CSKMT: variants seen among roughly 807,000 people sequenced by gnomAD.
CSKMT encodes citrate synthase lysine methyltransferase.
CSKMT carries 6 observed loss-of-function variants against 4.6 expected under a neutral mutation model. The ratio of observed to expected loss-of-function variants is 1.31; its 90% CI spans 0.72 to 2.59. CSKMT has a LOEUF of 2.59. Ranked by LOEUF, CSKMT falls within the 30% of genes most tolerant of loss-of-function variation. CSKMT has a pLI of 0.00. For synonymous variants in CSKMT, 142 were observed against 128.9 expected, an observed-to-expected ratio of 1.10 and a Z score of -0.69; for missense variants, 328 against 298.0, an observed-to-expected ratio of 1.10 and a Z score of -0.74.
rs578174201 is a variant in CSKMT at position 62,667,210 on chromosome 11, T to C, written c.*159T>C. Reference sequence around the variant, plus strand: ...TGCTGAATGTTTCTGTTCCCCAGTTTACTCATCTGCAGAGTGAGAATAACT... The same window carrying C: ...TGCTGAATGTTTCTGTTCCCCAGTTCACTCATCTGCAGAGTGAGAATAACT... On this transcript the variant is annotated 3_prime_UTR_variant, in exon 3 of 3. Transcript: ENST00000532971. The C allele has an allele frequency of 2.0e-4, 144 of 736,980 alleles. No individual in the cohort carries two copies. The highest frequency in any genetic ancestry group is 5.5e-4 in the Admixed American group (19 of 34,646). The allele number at this position is 736,980 out of a possible 1,614,324, so 45.7% of individuals were successfully genotyped here.
intron 2 of CSKMT, 132 bp from the exon 3 acceptor site, chr11:62,666,264 T>C (rs1373167408): frequency 1.1e-6 from 1 of 918,194 alleles, no homozygotes; most frequent in South Asian, 1.4e-5. Context: ...GAGCCATCAT[T>C]GTGCTACTGT....
At position 62,665,736 on chromosome 11, in the gene CSKMT, G is replaced by C. The variant is rs1240873776; in HGVS notation, c.-144G>C. On this transcript the variant is annotated 5_prime_UTR_variant, in exon 2 of 3. Transcript: ENST00000532971. ...AGTCTGTGTCCGCGTTCTTTTTTCC[G>C]GGACTGCAGAGTTCGGGGAAGCTGT... 1.1e-5 allele frequency: 16 copies of C among 1,466,818 alleles called. No individual in the cohort carries two copies. The highest frequency in any genetic ancestry group is 4.9e-5 in the East Asian group (2 of 40,680). The allele number at this position is 1,466,818 out of a possible 1,614,324, so 90.9% of individuals were successfully genotyped here.
At chr11:62,666,102 C>T (rs1565126853) in intron 2 of CSKMT, 156 bp downstream of exon 2, 2 of 915,736 alleles carry the variant, frequency 2.2e-6, no homozygotes, top group African/African-American at 3.3e-5. Context: ...AATGCTAACA[C>T]TTTGCCAGGC....
Position 62,665,692 on chromosome 11 carries a change from T to TAA in CSKMT, c.-186_-185dup. On this transcript the variant is annotated 5_prime_UTR_variant, in exon 2 of 3. Coordinates refer to ENST00000532971, the MANE Select transcript of CSKMT (RefSeq NM_001043229.2). Reference sequence around the variant, plus strand: ...CTCCTCCACTTCCCGCTGCAGCCAATAAAGGCCGTTCCTACCATAGTCTGT... The same window carrying TAA: ...CTCCTCCACTTCCCGCTGCAGCCAATAAAAAGGCCGTTCCTACCATAGTCTGT... 6.9e-7 allele frequency: 1 copy of TAA among 1,459,020 alleles called. No individual in the cohort carries two copies. Among genetic ancestry groups the TAA allele is most frequent in the Admixed American group, 2.5e-5 (1 of 40,786 alleles). The allele number at this position is 1,459,020 out of a possible 1,614,324, so 90.4% of individuals were successfully genotyped here.
In CSKMT at chr11:62,666,427, C is replaced by G. The variant is rs2134627907; in HGVS notation, c.99C>G (p.Arg33=). 3 of 1,612,236 alleles carry G rather than the reference C, an allele frequency of 1.9e-6. No individual in the cohort carries two copies. Among genetic ancestry groups the G allele is most frequent in the East Asian group, 2.2e-5 (1 of 44,886 alleles). Residue 33 remains arginine, a synonymous_variant, in exon 3 of 3, where the codon CGC becomes CGG. Transcript: ENST00000532971. ...GSLADSCLAD[R]CLWDRLHAQP... is the part of the protein sequence containing the mutation. ...TGGCTGATAGTTGCCTGGCGGACCG[C>G]TGTCTCTGGGATCGGCTGCATGCCC...
chr11:62,667,194 T>C lies in CSKMT; in HGVS notation c.*143T>C. On this transcript the variant is annotated 3_prime_UTR_variant, in exon 3 of 3. Coordinates refer to ENST00000532971, the MANE Select transcript of CSKMT (RefSeq NM_001043229.2). ...TAGCTGGGTGCCATATTGCTGAATG[T>C]TTCTGTTCCCCAGTTTACTCATCTG... The C allele has an allele frequency of 1.2e-6, 1 of 847,162 alleles. No homozygotes were observed. The highest frequency in any genetic ancestry group is 1.8e-6 in the Non-Finnish European group (1 of 548,942). The allele number at this position is 847,162 out of a possible 1,614,324, so 52.5% of individuals were successfully genotyped here. A position where few individuals can be genotyped will look rare whatever the true frequency, so the allele number is the denominator to read the frequency against.
intron 1 of CSKMT, 153 bp from the exon 2 acceptor site, chr11:62,665,494 C>G (rs780214243): frequency 1.3e-6 from 2 of 1,574,744 alleles, no homozygotes; most frequent in East Asian, 4.6e-5. Context: ...GGAAAGGGCT[C>G]TGGCCCCCTC....
Position 62,667,823 on chromosome 11 carries a change from G to T in CSKMT, c.*772G>T. ...TTACAAAACTAGGCCAGGCATGCTG[G>T]CTCATACCTATAATCACAGCACTTT... On this transcript the variant is annotated 3_prime_UTR_variant, in exon 3 of 3. Transcript: ENST00000532971. The T allele has an allele frequency of 3.8e-6, 4 of 1,054,126 alleles. No individual in the cohort carries two copies. The Admixed American group carries it at 6.1e-5, about 16-fold the overall frequency. 65.3% of individuals were successfully genotyped at this position (1,054,126 alleles called of 1,614,324 possible).
chr11:62,666,952 C>T lies in CSKMT; in HGVS notation c.624C>T (p.Cys208=). Residue 208 remains cysteine, a synonymous_variant, in exon 3 of 3, where the codon TGC becomes TGT. Coordinates refer to ENST00000532971, the MANE Select transcript of CSKMT (RefSeq NM_001043229.2). ...AGGACCCTGATGTGCGACTGCCCTG[C>T]CTGGAACAAGGGTCCTATGGCTGGA... ...SDEDPDVRLP[C]LEQGSYGWTV... is the part of the protein sequence containing the mutation. 3 of 1,614,170 alleles carry T rather than the reference C, an allele frequency of 1.9e-6. No homozygotes were observed. Among genetic ancestry groups the T allele is most frequent in the Non-Finnish European group, 2.5e-6 (3 of 1,180,030 alleles).
At chr11:62,666,196 C>T (rs764457225) in intron 2 of CSKMT, 200 bp from the exon 3 acceptor site, 1 of 718,672 alleles carries the variant, frequency 1.4e-6, no homozygotes, top group Non-Finnish European at 2.3e-6. Context: ...AAAAATTAAC[C>T]GGGCACGATG....
Position 62,666,906 on chromosome 11 carries a change from C to G in CSKMT, c.578C>G (p.Thr193Ser), listed in dbSNP as rs1399341376. The change falls in exon 3 of 3, where the codon ACC (threonine) becomes AGC (serine). Residue 193 changes from threonine (T) to serine (S), a missense_variant. Physicochemically the swap from Thr to Ser is moderately conservative, Grantham distance 58. Transcript: ENST00000532971. ...TTGAGGGTTCTAAACCCTCAGGGGA[C>G]CCTGATTCAGTTCTCAGATGAGGAC... The part of the protein sequence containing the change: ...ECLRVLNPQG[T>S]LIQFSDEDPD... 1.9e-6 allele frequency: 3 copies of G among 1,613,830 alleles called. No individual in the cohort carries two copies. In the Admixed American group the frequency reaches 5.0e-5, roughly 27 times the overall value.
Position 62,666,414 on chromosome 11 carries a change from G to C in CSKMT, c.86G>C (p.Cys29Ser). 6.2e-7 allele frequency: 1 copy of C among 1,610,650 alleles called. No individual in the cohort carries two copies. The change falls in exon 3 of 3, where the codon TGC becomes TCC. Residue 29 changes from cysteine (C) to serine (S), a missense_variant. Physicochemically the swap from Cys to Ser is moderately radical, Grantham distance 112. Coordinates refer to ENST00000532971, the MANE Select transcript of CSKMT (RefSeq NM_001043229.2). ...RPFAGSLADSCLADRCLWDRL... is the reference protein window; with the variant it reads ...RPFAGSLADSSLADRCLWDRL... ...CCCACAGGCTCACTGGCTGATAGTT[G>C]CCTGGCGGACCGCTGTCTCTGGGAT...
At chr11:62,665,976 CA>C in intron 2 of CSKMT, 30 bp downstream of exon 2, 1 of 1,588,054 alleles carries the variant, frequency 6.3e-7, no homozygotes, top group Non-Finnish European at 8.6e-7. Flanking sequence ...GTGGAGAGGG[CA>C]AGGTGGGGGC....
At position 62,665,315 on chromosome 11, in the gene CSKMT, T is replaced by C. The variant is rs1342329007; in HGVS notation, c.-251T>C. On this transcript the variant is annotated 5_prime_UTR_variant, in exon 1 of 3. Coordinates refer to ENST00000532971, the MANE Select transcript of CSKMT (RefSeq NM_001043229.2). ...GGAGCTCCGCGGTGCGGGAGGCCTT[T>C]CGGAGGGTGGTGAGCTAGTAAGTGT... The C allele has an allele frequency of 1.2e-5, 9 of 729,242 alleles. No individual in the cohort carries two copies. The highest frequency in any genetic ancestry group is 3.7e-4 in the Middle Eastern group (1 of 2,690). 45.2% of individuals were successfully genotyped at this position (729,242 alleles called of 1,614,324 possible). A position where few individuals can be genotyped will look rare whatever the true frequency, so the allele number is the denominator to read the frequency against.
At chr11:62,666,217 T>A (rs1375156929) in intron 2 of CSKMT, 179 bp from the exon 3 acceptor site, 5 of 749,986 alleles carry the variant, frequency 6.7e-6, no homozygotes, top group Non-Finnish European at 1.1e-5. Flanking sequence ...GCGCCTATAG[T>A]CCTAGCTACT....
Position 62,667,908 on chromosome 11 carries a change from A to G in CSKMT, c.*857A>G. ...GCAATAAAGTGACACCCCTAACTCT[A>G]CAAAAACAAATGAGCCCGGGATAGT... is the stretch of plus-strand genomic sequence containing the variant. On this transcript the variant is annotated 3_prime_UTR_variant, in exon 3 of 3. Coordinates refer to ENST00000532971, the MANE Select transcript of CSKMT (RefSeq NM_001043229.2). 1 of 595,914 alleles carries G rather than the reference A, an allele frequency of 1.7e-6. No individual in the cohort carries two copies. Among genetic ancestry groups the G allele is most frequent in the Non-Finnish European group, 3.0e-6 (1 of 335,310 alleles). 36.9% of individuals were successfully genotyped at this position (595,914 alleles called of 1,614,324 possible). A position where few individuals can be genotyped will look rare whatever the true frequency, so the allele number is the denominator to read the frequency against.
At chr11:62,666,060 A>G (rs891991897) in intron 2 of CSKMT, 114 bp downstream of exon 2, 4 of 1,229,666 alleles carry the variant, frequency 3.3e-6, no homozygotes, top group Non-Finnish European at 4.5e-6. Context: ...CTCAAACCCT[A>G]CGGTGGGCCG....
rs1944852729 is a variant in CSKMT, at chr11:62,667,539, A to T, written c.*488A>T. On this transcript the variant is annotated 3_prime_UTR_variant, in exon 3 of 3. Coordinates refer to ENST00000532971, the MANE Select transcript of CSKMT (RefSeq NM_001043229.2). ...AATACTTACCCTCAAAGCTATTAGG[A>T]GGCAGGAGATGGGAATATTCCACAA... The T allele has an allele frequency of 6.2e-7, 1 of 1,614,012 alleles. No homozygotes were observed. Among genetic ancestry groups the T allele is most frequent in the Non-Finnish European group, 8.5e-7 (1 of 1,180,006 alleles).
Position 62,667,683 on chromosome 11 carries a change from C to G in CSKMT, c.*632C>G. 1 of 1,614,176 alleles carries G rather than the reference C, an allele frequency of 6.2e-7. No individual in the cohort carries two copies. On this transcript the variant is annotated 3_prime_UTR_variant, in exon 3 of 3. Transcript: ENST00000532971. ...CATCTTCTTCATCCTGGTCCTGCCC[C>G]CAGCTGAGTCCAGCGTTAAATGTTC...
Sources: allele counts gnomAD v4.1 joint callset, GRCh38; gene constraint gnomAD v4.1.1; transcripts MANE v1.5; gene names NCBI Gene and HGNC (gene_info 2026-07-23, HGNC 2026-07-21).